The following GSE1 variants were observed in gnomAD, a reference collection of about 807,000 sequenced individuals.
GSE1 encodes Gse1 coiled-coil protein.
Under a neutral mutation model 112.6 loss-of-function variants are expected in GSE1, and 32 were observed. The observed-to-expected ratio is 0.28, with a 90% CI of 0.21 to 0.38. The LOEUF is 0.38. Ranked by LOEUF, GSE1 falls within the 10% of genes least tolerant of loss-of-function variation. The pLI is 1.00. For missense variants in GSE1, 2,348 were observed against 1,699.2 expected, an observed-to-expected ratio of 1.38 and a Z score of -6.71; for synonymous variants, 1,115 against 735.6, an observed-to-expected ratio of 1.52 and a Z score of -8.35.
chr16:85,461,735 C>T (rs953097733), intron 2 of GSE1, among the ~76,000 whole-genome samples: 3 of 152,172 alleles, frequency 2.0e-5, no homozygotes, highest in Admixed American at 6.5e-5. Flanking sequence ...CTGCGTGAAG[C>T]TCCAGGATTC....
intron 1 of GSE1, among the ~76,000 whole-genome samples, chr16:85,633,337 G>A (rs1037436981): frequency 6.6e-6 from 1 of 152,166 alleles, no homozygotes; most frequent in Non-Finnish European, 1.5e-5. Flanking sequence ...GAGTGCCCGC[G>A]TGGACTGGGC....
chr16:85,362,352 G>T (rs1597488429), intron 2 of GSE1, among the ~76,000 whole-genome samples: 1 of 152,246 alleles, frequency 6.6e-6, no homozygotes, highest in African/African-American at 2.4e-5. Flanking sequence ...TTTATCACCA[G>T]TGGATGGGAA....
intron 2 of GSE1, among the ~76,000 whole-genome samples, chr16:85,403,273 G>A (rs1369508796): frequency 2.0e-5 from 3 of 152,122 alleles, no homozygotes; most frequent in African/African-American, 7.2e-5. Context: ...CACCGGAAGC[G>A]AGCCCCCTCA....
At chr16:85,172,293 C>G (rs565285384) in intron 1 of GSE1, among the ~76,000 whole-genome samples, 9 of 152,178 alleles carry the variant, frequency 5.9e-5, no homozygotes, top group Non-Finnish European at 1.3e-4. Flanking sequence ...AGTTTTCCAC[C>G]TAAGTTCACA....
At chr16:85,557,255 C>G (rs2045277353) in intron 1 of GSE1, among the ~76,000 whole-genome samples, 1 of 152,206 alleles carries the variant, frequency 6.6e-6, no homozygotes, top group Non-Finnish European at 1.5e-5. Context: ...ACGCACAGGC[C>G]TGCCCCAGGT....
chr16:85,612,127 G>A (rs1248183482), upstream of GSE1, among the ~76,000 whole-genome samples: 2 of 151,970 alleles, frequency 1.3e-5, no homozygotes, highest in South Asian at 2.1e-4. Context: ...AGCCGCCCGG[G>A]GGGGTTACAG....
chr16:85,640,235 C>T (rs922265198), intron 2 of GSE1, among the ~76,000 whole-genome samples: 1 of 152,186 alleles, frequency 6.6e-6, no homozygotes, highest in Non-Finnish European at 1.5e-5. Flanking sequence ...TCATGGCTTC[C>T]CTGCCCACAC....
upstream of GSE1, chr16:85,554,936 C>T (rs1208093614): frequency 1.6e-5 from 16 of 985,302 alleles, no homozygotes; most frequent in Non-Finnish European, 1.9e-5. Flanking sequence ...GCAGCGGCAC[C>T]CTCCCCGGGT....
At chr16:85,447,894 G>T (rs1214545588) in intron 2 of GSE1, among the ~76,000 whole-genome samples, 1 of 152,318 alleles carries the variant, frequency 6.6e-6, no homozygotes, top group Non-Finnish European at 1.5e-5. Flanking sequence ...ACTTGCCCAG[G>T]GTCACACAGC....
Position 85,655,799 on chromosome 16 carries a change from C to G in GSE1, c.871C>G (p.Pro291Ala), listed in dbSNP as rs202158943. ...YPIPTPGSLP[P>A]LHPSAMHLHL... is the part of the protein sequence containing the mutation. ...CATCCCCACCCCCGGCTCCCTGCCC[C>G]CACTGCACCCATCAGCGATGCACCT... The change falls in exon 6 of 16, where the codon CCA becomes GCA. Residue 291 changes from proline to alanine, a missense_variant. Transcript: ENST00000253458. 29 of 1,609,588 alleles carry G rather than the reference C, an allele frequency of 1.8e-5. 1 individual carries two copies. In the East Asian group the frequency reaches 5.8e-4, roughly 32 times the overall value.
chr16:85,633,481 C>T (rs1013869859), intron 1 of GSE1, among the ~76,000 whole-genome samples: 6 of 152,236 alleles, frequency 3.9e-5, no homozygotes, highest in Non-Finnish European at 7.3e-5. Flanking sequence ...TGGTTCCCGT[C>T]GTCCCTGGGC....
At position 85,214,697 on chromosome 16, in the gene GSE1, C is replaced by T. The variant is rs182517335; in HGVS notation, c.2283+42890C>T. ...CCTCTCTGGCCTCTGTGGCCCCGCC[C>T]GGTCCCCTCTCACAGACCGCGTGGG... On this transcript the variant is annotated intron_variant, in intron 1 of 2. Coordinates refer to the GSE1 transcript ENST00000637419. Among the ~76,000 whole-genome samples, 701 of 152,312 alleles carry T rather than the reference C, an allele frequency of 4.6e-3. 1 individual carries two copies. Among genetic ancestry groups the T allele is most frequent in the African/African-American group, 0.016 (672 of 41,568 alleles).
At chr16:85,187,698 T>C (rs973120347) in intron 1 of GSE1, among the ~76,000 whole-genome samples, 1 of 152,086 alleles carries the variant, frequency 6.6e-6, no homozygotes, top group Non-Finnish European at 1.5e-5. Context: ...CCTCAGCAGG[T>C]CACTCCATTC....
intron 1 of GSE1, among the ~76,000 whole-genome samples, chr16:85,172,640 C>G (rs1270997095): frequency 6.6e-6 from 1 of 152,244 alleles, no homozygotes; most frequent in Non-Finnish European, 1.5e-5. Flanking sequence ...AACCCGGCCA[C>G]CGGGGCATGG....
upstream of GSE1, among the ~76,000 whole-genome samples, chr16:85,554,082 G>C (rs2045073130): frequency 6.6e-6 from 1 of 152,086 alleles, no homozygotes; most frequent in Non-Finnish European, 1.5e-5. Context: ...TTGTGCCACC[G>C]AGGGGCCCCT....
At chr16:85,184,354 T>A (rs1286971275) in intron 1 of GSE1, among the ~76,000 whole-genome samples, 1 of 152,220 alleles carries the variant, frequency 6.6e-6, no homozygotes, top group Non-Finnish European at 1.5e-5. Flanking sequence ...AAATTCTTGA[T>A]CTTGTATTCC....
At chr16:85,665,937 T>C (rs1337259485) in intron 12 of GSE1, 39 bp from the exon 13 acceptor site, 1 of 1,605,198 alleles carries the variant, frequency 6.2e-7, no homozygotes, top group South Asian at 1.1e-5. Context: ...CCTGTTAACT[T>C]GCATTTCTTA....
chr16:85,198,878 A>G (rs1345087977), intron 1 of GSE1, among the ~76,000 whole-genome samples: 1 of 152,004 alleles, frequency 6.6e-6, no homozygotes, highest in Non-Finnish European at 1.5e-5. Flanking sequence ...TCCTGGGCTC[A>G]AGCGATCCTC....
At chr16:85,179,765 A>G (rs2074543709) in intron 1 of GSE1, among the ~76,000 whole-genome samples, 1 of 152,162 alleles carries the variant, frequency 6.6e-6, no homozygotes, top group Admixed American at 6.5e-5. Context: ...GAGCTGTACT[A>G]AGAATTGAGA....
Sources: gnomAD v4.1 joint callset for allele counts (sites outside exome capture counted in the v4.1 genomes callset) on GRCh38, gnomAD v4.1.1 for gene constraint, MANE v1.5 for transcripts, NCBI Gene and HGNC (gene_info 2026-07-23, HGNC 2026-07-21) for gene names.